The following STARD9 variants were observed in gnomAD, a reference collection of about 807,000 sequenced individuals.
The protein encoded by STARD9 is StAR related lipid transfer domain containing 9, also known as stAR-related lipid transfer protein 9.
Under a neutral mutation model 399.8 loss-of-function variants are expected in STARD9, and 346 were observed. The ratio of observed to expected loss-of-function variants is 0.87; its 90% CI spans 0.79 to 0.95. The LOEUF (loss-of-function observed/expected upper bound fraction) is 0.95, where lower values mean the gene tolerates loss of function less well. STARD9 is among the 40% of genes least tolerant of loss of function. The pLI is 0.00. For synonymous variants in STARD9, 2,203 were observed against 2,143.5 expected (o/e 1.03, Z -0.77); for missense variants, 5,832 against 5,667.5 (o/e 1.03, Z -0.93).
Position 42,676,815 on chromosome 15 carries a change from C to G in STARD9, c.1874+840C>G, listed in dbSNP as rs184718494. Among the ~76,000 whole-genome samples the G allele has an allele frequency of 3.3e-5, 5 of 152,230 alleles. No individual in the cohort carries two copies. The East Asian group carries it at 7.7e-4, about 24-fold the overall frequency. On this transcript the variant is annotated intron_variant, in intron 20 of 32. Coordinates refer to ENST00000290607, the MANE Select transcript of STARD9 (RefSeq NM_020759.3). ...GGGAGGCTGCCAAACACCTTGAGCA[C>G]AGGGTCTCAGTAGTTATGATGGCCC...
chr15:42,669,482 C>T (rs777912523), intron 16 of STARD9, 145 bp downstream of exon 16: 32 of 634,598 alleles, frequency 5.0e-5, no homozygotes, highest in Non-Finnish European at 6.1e-5. Context: ...TCTCAGGAAA[C>T]GTCTACCTGA....
intron 3 of STARD9, among the ~76,000 whole-genome samples, chr15:42,626,013 CTAAGTT>C: frequency 6.6e-6 from 1 of 152,086 alleles, no homozygotes; most frequent in East Asian, 1.9e-4. Flanking sequence ...CCTCTGCCTC[CTAAGTT>C]CGAGTTATTC....
At chr15:42,711,732 G>C (rs900105346) in intron 26 of STARD9, among the ~76,000 whole-genome samples, 1 of 151,858 alleles carries the variant, frequency 6.6e-6, no homozygotes, top group Admixed American at 6.6e-5. Context: ...TCAGTTGATG[G>C]ACATTTAGGT....
At chr15:42,709,399 G>A (rs1029491424) in intron 26 of STARD9, among the ~76,000 whole-genome samples, 30 of 152,230 alleles carry the variant, frequency 2.0e-4, no homozygotes, top group African/African-American at 7.2e-4. Flanking sequence ...AAAAATCTTG[G>A]AGACTAGCTG....
rs114643981 is a variant in STARD9 at position 42,685,262 on chromosome 15, C to T, written c.3684C>T (p.Asp1228=). The T allele has an allele frequency of 1.9e-3, 2,967 of 1,537,476 alleles. 43 individuals carry two copies. The African/African-American group carries it at 0.036, about 19-fold the overall frequency. Residue 1228 remains aspartate (D), a synonymous_variant, in exon 23 of 33, where the codon GAC becomes GAT. Transcript: ENST00000290607. ...QQEEPFPGSA[D]EIPTETFWHL... ...AAGAACCTTTCCCTGGTTCAGCTGA[C>T]GAGATACCCACAGAGACTTTTTGGC...
intron 3 of STARD9, among the ~76,000 whole-genome samples, chr15:42,626,217 C>T (rs2059206208): frequency 6.6e-6 from 1 of 152,178 alleles, no homozygotes; most frequent in Admixed American, 6.5e-5. Flanking sequence ...AGCCACCACA[C>T]CTGGCAAGAG....
chr15:42,592,313 C>T (rs185865927), intron 3 of STARD9, among the ~76,000 whole-genome samples: 432 of 152,016 alleles, frequency 2.8e-3, no homozygotes, highest in African/African-American at 9.7e-3. Flanking sequence ...GAAAAGGAAG[C>T]GATGGAAAAC....
At chr15:42,619,069 TC>T in intron 3 of STARD9, among the ~76,000 whole-genome samples, 1 of 152,306 alleles carries the variant, frequency 6.6e-6, no homozygotes, top group South Asian at 2.1e-4. Context: ...AGTTTTTCAC[TC>T]TTCCTAATTT....
rs1362475062 is a variant in STARD9, at chr15:42,663,838, C to T, written c.1097C>T (p.Thr366Ile). 2.0e-6 allele frequency: 3 copies of T among 1,536,680 alleles called. No individual in the cohort carries two copies. The highest frequency in any genetic ancestry group is 1.7e-4 in the Middle Eastern group (1 of 5,988). Residue 366 changes from threonine to isoleucine, a missense_variant, in exon 13 of 33, where the codon ACT (threonine) becomes ATT (isoleucine). By Grantham distance (89) the Thr-to-Ile change is moderately conservative (BLOSUM62 -1). Around this residue, in one of 2 missense-constraint regions of STARD9, gnomAD observed 5,828 missense variants for 5,651.1 expected, o/e 1.03. Coordinates refer to ENST00000290607, the MANE Select transcript of STARD9 (RefSeq NM_020759.3). ...IMVATVSPAH[T>I]SYSETMSTLR... ...ACCTCAGCGGTGTCTCCTGCACACA[C>T]TAGCTACAGTGAGACCATGAGCACA...
chr15:42,678,145 G>T (rs1396434475), intron 20 of STARD9, among the ~76,000 whole-genome samples: 1 of 152,200 alleles, frequency 6.6e-6, no homozygotes, highest in African/African-American at 2.4e-5. Flanking sequence ...CCTGGTGGAG[G>T]TGGTGTGGTG....
At chr15:42,712,090 T>TATATAAAAAATATAAA (rs1566966065) in intron 26 of STARD9, among the ~76,000 whole-genome samples, 5 of 6,140 alleles carry the variant, frequency 8.1e-4, no homozygotes, top group African/African-American at 3.6e-3. Context: ...ATTATATATA[T>TATATAAAAAATATAAA]ATATATAATA....
chr15:42,682,123 A>C lies in STARD9; in HGVS notation c.2085A>C (p.Arg695Ser). 6.5e-7 allele frequency: 1 copy of C among 1,537,004 alleles called. No homozygotes were observed. The highest frequency in any genetic ancestry group is 8.7e-7 in the Non-Finnish European group (1 of 1,146,732). The change falls in exon 22 of 33, where the codon AGA (arginine) becomes AGC (serine). Residue 695 changes from arginine to serine, a missense_variant. Physicochemically the swap from Arg to Ser is moderately radical, Grantham distance 110. Transcript: ENST00000290607. Reference protein sequence around the residue: ...QIKENQQCLLREETWLASLQQ... With the variant: ...QIKENQQCLLSEETWLASLQQ... ...TCCCAGACCAGCAGTGTCTGCTCAG[A>C]GAAGAGACCTGGCTGGCCAGCTTGC...
chr15:42,669,285 T>C lies in STARD9; in HGVS notation c.1445T>C (p.Met482Thr). The C allele has an allele frequency of 6.5e-7, 1 of 1,536,898 alleles. No individual in the cohort carries two copies. The highest frequency in any genetic ancestry group is 8.7e-7 in the Non-Finnish European group (1 of 1,146,632). ...VVIDSSLPHL[M>T]ALEDDVLSTG... ...ATCGACTCCAGCCTGCCACACTTGA[T>C]GGCCTTGGAGGATGATGTGCTCAGC... Residue 482 changes from methionine (M) to threonine (T), a missense_variant, in exon 16 of 33, where the codon ATG (methionine) becomes ACG (threonine). Met to Thr is a moderately conservative substitution (Grantham distance 81). This residue lies in a region of STARD9 where 5,828 missense variants were observed against 5,651.1 expected (regional missense o/e 1.03). Coordinates refer to ENST00000290607, the MANE Select transcript of STARD9 (RefSeq NM_020759.3).
At chr15:42,658,819 A>C (rs1361579346) in intron 9 of STARD9, among the ~76,000 whole-genome samples, 1 of 152,112 alleles carries the variant, frequency 6.6e-6, no homozygotes, top group Non-Finnish European at 1.5e-5. Flanking sequence ...TAGGAGAATA[A>C]AAAGAAAAGC....
chr15:42,594,102 G>A (rs923580632), intron 3 of STARD9, among the ~76,000 whole-genome samples: 18 of 151,956 alleles, frequency 1.2e-4, no homozygotes, highest in African/African-American at 3.9e-4. Context: ...ACAGACAGAC[G>A]GAGAAAAGAG....
In STARD9 at chr15:42,690,156, G is replaced by A. The variant is rs1405641057; in HGVS notation, c.8578G>A (p.Ala2860Thr). The part of the protein sequence containing the change: ...SPKQDTILPG[A>T]LTRVALEAPT... ...CAAACAAGATACCATTCTGCCTGGA[G>A]CTCTGACAAGGGTTGCACTGGAAGC... The change falls in exon 23 of 33, where the codon GCT becomes ACT. Residue 2860 changes from alanine to threonine, a missense_variant. Physicochemically the swap from Ala to Thr is moderately conservative, Grantham distance 58. This residue lies in a region of STARD9 where 5,828 missense variants were observed against 5,651.1 expected (regional missense o/e 1.03). Coordinates refer to ENST00000290607, the MANE Select transcript of STARD9 (RefSeq NM_020759.3). 2 of 1,537,844 alleles carry A rather than the reference G, an allele frequency of 1.3e-6. No homozygotes were observed. Among genetic ancestry groups the A allele is most frequent in the East Asian group, 2.4e-5 (1 of 40,926 alleles).
chr15:42,605,530 C>T (rs1318503055), intron 3 of STARD9, among the ~76,000 whole-genome samples: 2 of 152,200 alleles, frequency 1.3e-5, no homozygotes, highest in Non-Finnish European at 2.9e-5. Context: ...CAAATAGCCC[C>T]TTAAACAGCT....
chr15:42,712,081 T>TTATA lies in STARD9; in HGVS notation c.13285-4583_13285-4580dup, dbSNP rs1555410909. 1.0e-4 allele frequency among the ~76,000 whole-genome samples: 4 copies of TTATA among 39,130 alleles called. 1 individual carries two copies. The highest frequency in any genetic ancestry group is 9.1e-4 in the South Asian group (1 of 1,104). The allele number at this position is 39,130 out of a possible 152,430, so 25.7% of individuals were successfully genotyped here. A position where few individuals can be genotyped will look rare whatever the true frequency, so the allele number is the denominator to read the frequency against. On this transcript the variant is annotated intron_variant, in intron 26 of 32. Coordinates refer to ENST00000290607, the MANE Select transcript of STARD9 (RefSeq NM_020759.3). ...GCATCTTTTTATATATATATATATA[T>TTATA]TATATATATATATATAATATATAAT... is the stretch of plus-strand genomic sequence containing the variant.
intron 3 of STARD9, among the ~76,000 whole-genome samples, chr15:42,613,904 G>T (rs1226127692): frequency 6.6e-6 from 1 of 152,084 alleles, no homozygotes; most frequent in African/African-American, 2.4e-5. Flanking sequence ...GACAGAGGCT[G>T]CGGTGAGCCG....
Sources: gnomAD v4.1 joint callset for allele counts (sites outside exome capture counted in the v4.1 genomes callset) on GRCh38, gnomAD v4.1.1 for gene constraint, gnomAD v4.1.1 regional missense constraint, MANE v1.5 for transcripts, NCBI Gene and HGNC (gene_info 2026-07-23, HGNC 2026-07-21) for gene names.